Variants in ZNF507 observed in about 807,000 individuals in gnomAD.
The protein encoded by ZNF507 is zinc finger protein 507.
In ZNF507, 29 loss-of-function variants were observed where a neutral mutation model predicts 80.0. The observed-to-expected ratio is 0.36, with a 90% CI of 0.27 to 0.49. ZNF507 has a LOEUF of 0.49. Ranked by LOEUF, ZNF507 falls within the 20% of genes least tolerant of loss-of-function variation. ZNF507 has a pLI of 0.98. For missense variants in ZNF507, 1,081 were observed against 1,152.2 expected (o/e 0.94, Z 0.90); for synonymous variants, 462 against 422.5 (o/e 1.09, Z -1.15).
chr19:32,375,814 A>G (rs1041997166), intron 5 of ZNF507, among the ~76,000 whole-genome samples: 4 of 152,346 alleles, frequency 2.6e-5, no homozygotes, highest in Admixed American at 6.5e-5. Context: ...AGCAACACCA[A>G]TGAAAATATG....
intron 5 of ZNF507, chr19:32,380,763 G>C: frequency 1.2e-6 from 1 of 813,060 alleles, no homozygotes; most frequent in South Asian, 1.6e-5. Flanking sequence ...TTGCCCAAAT[G>C]ATGACAACTT....
chr19:32,363,087 C>G (rs1049094348), intron 5 of ZNF507, among the ~76,000 whole-genome samples: 7 of 152,178 alleles, frequency 4.6e-5, no homozygotes, highest in African/African-American at 1.7e-4. Flanking sequence ...GGTAGCGTAG[C>G]CTTTATAATG....
chr19:32,365,252 A>C (rs960727813), intron 5 of ZNF507, among the ~76,000 whole-genome samples: 2 of 152,114 alleles, frequency 1.3e-5, no homozygotes, highest in Non-Finnish European at 2.9e-5. Context: ...GTCCTTTGTC[A>C]GATGTATAGA....
In ZNF507 at chr19:32,383,143, C is replaced by CTAA. The variant is rs1324163056; in HGVS notation, c.*61_*62insAAT. Reference sequence around the variant, plus strand: ...GAGGATTCCTTCACCACAGTTTCACCTTTACGCTGTCAGACAACTTCCTGC... The same window carrying CTAA: ...GAGGATTCCTTCACCACAGTTTCACCTAATTTACGCTGTCAGACAACTTCCTGC... On this transcript the variant is annotated 3_prime_UTR_variant, in exon 7 of 7. Transcript: ENST00000355898. The CTAA allele has an allele frequency of 1.9e-6, 3 of 1,539,552 alleles. No homozygotes were observed. The highest frequency in any genetic ancestry group is 2.8e-5 in the African/African-American group (2 of 72,546).
In ZNF507 at chr19:32,352,957, C is replaced by T. The variant is rs1483778923; in HGVS notation, c.127C>T (p.Pro43Ser). The T allele has an allele frequency of 1.9e-6, 3 of 1,614,010 alleles. No homozygotes were observed. Among genetic ancestry groups the T allele is most frequent in the Non-Finnish European group, 2.5e-6 (3 of 1,180,034 alleles). ...IDEQRKTKPD[P>S]LIHVIQKLSK... The stretch of plus-strand genomic sequence containing the variant: ...TGAACAAAGAAAAACTAAACCAGAT[C>T]CATTAATCCATGTTATCCAGAAGTT... The change falls in exon 3 of 7, where the codon CCA (proline) becomes TCA (serine). Residue 43 changes from proline (P) to serine (S), a missense_variant. Transcript: ENST00000355898.
At position 32,386,540 on chromosome 19, in the gene ZNF507, T is replaced by C. The variant is rs1008756032; in HGVS notation, c.*3457T>C. On this transcript the variant is annotated 3_prime_UTR_variant, in exon 7 of 7. Transcript: ENST00000355898. The stretch of plus-strand genomic sequence containing the variant: ...TGGCATTGCTTCTATAGCCAAAGTA[T>C]AAAAATTTCTGGAATACTGACATGT... 6.6e-5 allele frequency: 10 copies of C among 152,666 alleles called. No homozygotes were observed. Among genetic ancestry groups the C allele is most frequent in the African/African-American group, 2.2e-4 (9 of 41,462 alleles). 9.5% of individuals were successfully genotyped at this position (152,666 alleles called of 1,614,324 possible).
intron 2 of ZNF507, among the ~76,000 whole-genome samples, chr19:32,351,614 A>G (rs1281709219): frequency 1.3e-5 from 2 of 150,714 alleles, no homozygotes; most frequent in African/African-American, 4.9e-5. Flanking sequence ...CATGCGGGGA[A>G]GAACAGCCAT....
chr19:32,346,613 C>A (rs142916742), intron 1 of ZNF507, among the ~76,000 whole-genome samples: 3 of 152,218 alleles, frequency 2.0e-5, no homozygotes, highest in East Asian at 1.9e-4. Flanking sequence ...AAATTAACTT[C>A]AGGGGAGCCC....
intron 5 of ZNF507, among the ~76,000 whole-genome samples, chr19:32,362,190 A>G (rs7260244): frequency 0.18 from 27,145 of 152,062 alleles, 2,673 homozygotes; most frequent in East Asian, 0.45. Context: ...CAATCAGTCT[A>G]TTTAATAGGT....
chr19:32,386,270 T>C lies in ZNF507; in HGVS notation c.*3187T>C, dbSNP rs543852361. On this transcript the variant is annotated 3_prime_UTR_variant, in exon 7 of 7. Coordinates refer to ENST00000355898, the MANE Select transcript of ZNF507 (RefSeq NM_001136156.2). Reference sequence around the variant, plus strand: ...TCTGTTTTTTTTCTCACAAAGTAAATGGTGGGCATCCATGTTTACATTGCA... The same window carrying C: ...TCTGTTTTTTTTCTCACAAAGTAAACGGTGGGCATCCATGTTTACATTGCA... 9.2e-5 allele frequency: 14 copies of C among 152,714 alleles called. No homozygotes were observed. The South Asian group carries it at 2.9e-3, about 32-fold the overall frequency. 9.5% of individuals were successfully genotyped at this position (152,714 alleles called of 1,614,324 possible).
intron 5 of ZNF507, among the ~76,000 whole-genome samples, chr19:32,367,600 T>A (rs1967415972): frequency 6.6e-6 from 1 of 152,242 alleles, no homozygotes; most frequent in South Asian, 2.1e-4. Context: ...TAGTTTTGAT[T>A]TTTTGAAATA....
intron 5 of ZNF507, among the ~76,000 whole-genome samples, chr19:32,368,707 G>A (rs1370448684): frequency 6.6e-6 from 1 of 152,190 alleles, no homozygotes. Flanking sequence ...AACTGAAAGA[G>A]TTTGTTTTTC....
At position 32,353,513 on chromosome 19, in the gene ZNF507, C is replaced by G. The variant is rs773903115; in HGVS notation, c.683C>G (p.Thr228Ser). Reference protein sequence around the residue: ...VDNLQTHTVQTASVAEMGRRK... With the variant: ...VDNLQTHTVQSASVAEMGRRK... ...AATCTACAGACTCATACTGTCCAAACTGCATCTGTGGCAGAAATGGGTAGG... is the reference window on the plus strand; with the variant it reads ...AATCTACAGACTCATACTGTCCAAAGTGCATCTGTGGCAGAAATGGGTAGG... Residue 228 changes from threonine to serine, a missense_variant, in exon 3 of 7, where the codon ACT (threonine) becomes AGT (serine). Coordinates refer to ENST00000355898, the MANE Select transcript of ZNF507 (RefSeq NM_001136156.2). The G allele has an allele frequency of 2.5e-6, 4 of 1,614,216 alleles. No individual in the cohort carries two copies. The Admixed American group carries it at 6.7e-5, about 27-fold the overall frequency.
Position 32,350,311 on chromosome 19 carries a change from G to T in ZNF507, c.-2-2518G>T, listed in dbSNP as rs566864365. 9.4e-5 allele frequency among the ~76,000 whole-genome samples: 14 copies of T among 149,718 alleles called. No individual in the cohort carries two copies. In the South Asian group the frequency reaches 3.0e-3, roughly 32 times the overall value. On this transcript the variant is annotated intron_variant, in intron 2 of 6. Transcript: ENST00000355898. ...GGTGTTTCCTGACGTATTTCATGTTGTCATATCTGTTTTATAGCTGCCATT... is the reference window on the plus strand; with the variant it reads ...GGTGTTTCCTGACGTATTTCATGTTTTCATATCTGTTTTATAGCTGCCATT...
chr19:32,363,088 C>T (rs1347710065), intron 5 of ZNF507, among the ~76,000 whole-genome samples: 1 of 152,184 alleles, frequency 6.6e-6, no homozygotes, highest in Non-Finnish European at 1.5e-5. Flanking sequence ...GTAGCGTAGC[C>T]TTTATAATGT....
intron 5 of ZNF507, among the ~76,000 whole-genome samples, chr19:32,376,257 TTTA>T (rs1967545077): frequency 6.6e-6 from 1 of 151,814 alleles, no homozygotes; most frequent in African/African-American, 2.4e-5. Context: ...ATGAGTGATT[TTTA>T]TTTTCTTTTT....
intron 5 of ZNF507, 54 bp downstream of exon 5, chr19:32,360,672 A>C: frequency 1.0e-6 from 1 of 990,256 alleles, no homozygotes; most frequent in Non-Finnish European, 1.4e-6. Flanking sequence ...TTTTATATTA[A>C]AGAAATAAAA....
At chr19:32,355,353 T>C (rs2044655676) in intron 3 of ZNF507, among the ~76,000 whole-genome samples, 1 of 152,216 alleles carries the variant, frequency 6.6e-6, no homozygotes, top group Non-Finnish European at 1.5e-5. Context: ...TTTCATCTTA[T>C]ATGGCCCCAG....
Position 32,353,957 on chromosome 19 carries a change from G to T in ZNF507, c.1127G>T (p.Ser376Ile), listed in dbSNP as rs1478706620. The T allele has an allele frequency of 4.3e-6, 7 of 1,614,022 alleles. No homozygotes were observed. In the South Asian group the frequency reaches 7.7e-5, roughly 18 times the overall value. The change falls in exon 3 of 7, where the codon AGC becomes ATC. Residue 376 changes from serine to isoleucine, a missense_variant. By Grantham distance (142) the Ser-to-Ile change is moderately radical. Coordinates refer to ENST00000355898, the MANE Select transcript of ZNF507 (RefSeq NM_001136156.2). Reference protein sequence around the residue: ...SDAEENLIPDSLLTSAQKIIS... With the variant: ...SDAEENLIPDILLTSAQKIIS... ...GCAGAGGAGAATCTGATTCCTGATA[G>T]CCTGCTTACATCAGCACAGAAAATC...
Sources: allele counts gnomAD v4.1 joint callset (sites outside exome capture counted in the v4.1 genomes callset), GRCh38; gene constraint gnomAD v4.1.1; transcripts MANE v1.5; gene names NCBI Gene and HGNC (gene_info 2026-07-23, HGNC 2026-07-21).